CNTN4: variants seen among roughly 807,000 people sequenced by gnomAD.
CNTN4 encodes the protein contactin-4.
A neutral mutation model predicts 122.5 loss-of-function variants in CNTN4; 77 were observed. That is an observed-to-expected ratio of 0.63 (90% confidence interval 0.52 to 0.76). CNTN4 has a LOEUF of 0.76. CNTN4 is among the 30% of genes least tolerant of loss of function. CNTN4 has a pLI of 0.00. For synonymous variants in CNTN4, 512 were observed against 447.0 expected (o/e 1.15, Z -1.83); for missense variants, 1,256 against 1,259.1 (o/e 1.00, Z 0.04).
intron 20 of CNTN4, chr3:3,041,109 A>G (rs570052056): frequency 1.3e-5 from 2 of 152,316 alleles, no homozygotes; most frequent in Non-Finnish European, 2.9e-5. Flanking sequence ...GAGTTCGTCT[A>G]TGTTGTTTTA....
Position 3,034,743 on chromosome 3 carries a change from T to A in CNTN4, c.1895T>A (p.Ile632Asn). The A allele has an allele frequency of 6.2e-7, 1 of 1,614,074 alleles. No individual in the cohort carries two copies. The change falls in exon 17 of 25, where the codon ATT (isoleucine) becomes AAT (asparagine). Residue 632 changes from isoleucine (I) to asparagine (N), a missense_variant. Ile to Asn is a moderately radical substitution (Grantham distance 149). Coordinates refer to ENST00000418658, the MANE Select transcript of CNTN4 (RefSeq NM_175607.3). Reference protein sequence around the residue: ...DNHSPITMYVIQARTPFSVGW... With the variant: ...DNHSPITMYVNQARTPFSVGW... ...CACAGCCCCATCACCATGTATGTCA[T>A]TCAAGCCAGGACTCCATTCTCCGTG... is the stretch of plus-strand genomic sequence containing the variant.
intron 2 of CNTN4, among the ~76,000 whole-genome samples, chr3:2,216,451 G>A (rs768008188): frequency 4.6e-5 from 7 of 151,936 alleles, no homozygotes; most frequent in Non-Finnish European, 1.0e-4. Flanking sequence ...TTAATTCCTG[G>A]GTGATGAAAT....
chr3:2,215,608 C>T (rs777836424), intron 2 of CNTN4, among the ~76,000 whole-genome samples: 14 of 151,960 alleles, frequency 9.2e-5, no homozygotes, highest in African/African-American at 3.1e-4. Flanking sequence ...TTAGGCTGGG[C>T]GCAGTGGTTC....
At chr3:2,917,171 C>T (rs1002945941) in intron 12 of CNTN4, among the ~76,000 whole-genome samples, 6 of 149,812 alleles carry the variant, frequency 4.0e-5, no homozygotes, top group Non-Finnish European at 5.9e-5. Flanking sequence ...CGTGGCGGCG[C>T]GCGCCTGCAA....
At chr3:2,916,834 G>C (rs927503381) in intron 12 of CNTN4, among the ~76,000 whole-genome samples, 8 of 150,932 alleles carry the variant, frequency 5.3e-5, no homozygotes, top group Admixed American at 2.6e-4. Context: ...ACGCTCCTCA[G>C]TTCCCAGACG....
intron 2 of CNTN4, among the ~76,000 whole-genome samples, chr3:2,311,496 G>T (rs1357921731): frequency 6.6e-6 from 1 of 152,038 alleles, no homozygotes; most frequent in African/African-American, 2.4e-5. Flanking sequence ...ATGATTCTTT[G>T]CCAATCTACT....
At chr3:2,139,209 C>A (rs1395508513) in intron 2 of CNTN4, among the ~76,000 whole-genome samples, 1 of 151,804 alleles carries the variant, frequency 6.6e-6, no homozygotes, top group Non-Finnish European at 1.5e-5. Context: ...TACCCCTAGG[C>A]CAAAGAAAAT....
intron 2 of CNTN4, among the ~76,000 whole-genome samples, chr3:2,173,533 A>C (rs142441149): frequency 0.012 from 1,866 of 152,316 alleles, 22 homozygotes; most frequent in Admixed American, 0.028. Context: ...TTTTGTGGGG[A>C]TATCAAACTG....
rs34099392 is a variant in CNTN4 at position 2,527,409 on chromosome 3, ATGCTGCTGCTGC to A, written c.-88-43992_-88-43981del. On this transcript the variant is annotated intron_variant, in intron 3 of 24. Transcript: ENST00000418658. ...GGCACACCAAATGAGGGAACAATGTATGCTGCTGCTGCTGCTGCTGCTGCTGTTGCTGTTATT... is the reference window on the plus strand; with the variant it reads ...GGCACACCAAATGAGGGAACAATGTATGCTGCTGCTGCTGTTGCTGTTATT... Among the ~76,000 whole-genome samples the A allele has an allele frequency of 2.7e-5, 4 of 150,056 alleles. No individual in the cohort carries two copies. The East Asian group carries it at 5.9e-4, about 22-fold the overall frequency.
chr3:2,589,405 G>C (rs762170382), intron 4 of CNTN4, among the ~76,000 whole-genome samples: 1 of 152,072 alleles, frequency 6.6e-6, no homozygotes, highest in Non-Finnish European at 1.5e-5. Flanking sequence ...TCTGTTTTTA[G>C]CCATCCATTG....
At chr3:2,944,525 T>A (rs1313129898) in intron 13 of CNTN4, among the ~76,000 whole-genome samples, 2 of 152,190 alleles carry the variant, frequency 1.3e-5, no homozygotes, top group Admixed American at 6.5e-5. Flanking sequence ...TATTTTTGAA[T>A]ATGTCACACA....
intron 14 of CNTN4, among the ~76,000 whole-genome samples, chr3:3,015,356 G>A (rs962221190): frequency 6.6e-6 from 1 of 152,018 alleles, no homozygotes; most frequent in African/African-American, 2.4e-5. Flanking sequence ...GTTGGGGGTG[G>A]GGGAGGGAGG....
chr3:2,640,667 A>G (rs986659629), intron 4 of CNTN4, among the ~76,000 whole-genome samples: 5 of 152,136 alleles, frequency 3.3e-5, no homozygotes, highest in Admixed American at 2.0e-4. Flanking sequence ...ATGCACACAT[A>G]TATCTTTCAC....
At chr3:2,851,019 C>T (rs2093540840) in intron 7 of CNTN4, among the ~76,000 whole-genome samples, 1 of 152,086 alleles carries the variant, frequency 6.6e-6, no homozygotes, top group African/African-American at 2.4e-5. Context: ...AACAGTTAGC[C>T]AATTTAAAGT....
intron 3 of CNTN4, among the ~76,000 whole-genome samples, chr3:2,425,565 G>A (rs538685807): frequency 4.6e-5 from 7 of 152,200 alleles, no homozygotes; most frequent in South Asian, 2.1e-4. Context: ...CTCTTTTTTG[G>A]TTCCATATGA....
Position 2,734,393 on chromosome 3 carries a change from C to G in CNTN4, c.56-1822C>G, listed in dbSNP as rs530314545. On this transcript the variant is annotated intron_variant, in intron 4 of 24. Coordinates refer to ENST00000418658, the MANE Select transcript of CNTN4 (RefSeq NM_175607.3). ...CCCATTTTTAACTGATAAAGAATCA[C>G]TGGCCTAGTCTAATCTTATTGATTT... 2.0e-5 allele frequency among the ~76,000 whole-genome samples: 3 copies of G among 152,290 alleles called. No individual in the cohort carries two copies. In the South Asian group the frequency reaches 6.2e-4, roughly 32 times the overall value.
At chr3:2,571,805 G>A (rs1231391633) in intron 4 of CNTN4, among the ~76,000 whole-genome samples, 1 of 151,670 alleles carries the variant, frequency 6.6e-6, no homozygotes, top group Non-Finnish European at 1.5e-5. Flanking sequence ...AGTCGTTTGA[G>A]CCATTATTTA....
At chr3:2,533,692 A>G (rs993333416) in intron 3 of CNTN4, among the ~76,000 whole-genome samples, 4 of 152,158 alleles carry the variant, frequency 2.6e-5, no homozygotes, top group African/African-American at 9.7e-5. Context: ...CTAGTTCTAG[A>G]TCCTTGAGGA....
chr3:2,210,737 A>G (rs1301201256), intron 2 of CNTN4, among the ~76,000 whole-genome samples: 1 of 152,126 alleles, frequency 6.6e-6, no homozygotes, highest in African/African-American at 2.4e-5. Flanking sequence ...CTAGTTGCCC[A>G]CTTTGTTTCA....
Sources: allele counts gnomAD v4.1 joint callset (sites outside exome capture counted in the v4.1 genomes callset), GRCh38; gene constraint gnomAD v4.1.1; transcripts MANE v1.5; gene names NCBI Gene and HGNC (gene_info 2026-07-23, HGNC 2026-07-21).